The following JAKMIP3 variants were observed in gnomAD, a reference collection of about 807,000 sequenced individuals.
JAKMIP3 encodes the protein Janus kinase and microtubule interacting protein 3.
JAKMIP3 carries 58 observed loss-of-function variants against 118.5 expected under a neutral mutation model. The observed-to-expected ratio is 0.49, with a 90% CI of 0.40 to 0.61. JAKMIP3 has a LOEUF of 0.61. JAKMIP3 is among the 20% of genes least tolerant of loss of function. JAKMIP3 has a pLI of 0.00. For synonymous variants in JAKMIP3, 486 were observed against 451.2 expected, an observed-to-expected ratio of 1.08 and a Z score of -0.98; for missense variants, 950 against 1,109.0, an observed-to-expected ratio of 0.86 and a Z score of 2.04.
At chr10:132,163,675 A>T (rs554428996) in intron 20 of JAKMIP3, among the ~76,000 whole-genome samples, 8 of 152,072 alleles carry the variant, frequency 5.3e-5, no homozygotes, top group South Asian at 2.1e-4. Context: ...CCTGCTGGCC[A>T]CACCCTCTGA....
intron 4 of JAKMIP3, 88 bp downstream of exon 4, chr10:132,133,615 CAGGAGACCAG>C: frequency 8.0e-7 from 1 of 1,248,926 alleles, no homozygotes; most frequent in Non-Finnish European, 1.1e-6. Flanking sequence ...GCCACTCCCC[CAGGAGACCAG>C]AGCCCGAGTT....
chr10:132,100,501 C>T (rs2044682234), intron 1 of JAKMIP3, among the ~76,000 whole-genome samples: 1 of 152,144 alleles, frequency 6.6e-6, no homozygotes, highest in Non-Finnish European at 1.5e-5. Context: ...CCTCACACAC[C>T]CTTGAGACTG....
In JAKMIP3 at chr10:132,155,130, ATGG is replaced by A. The variant is rs1280054721; in HGVS notation, c.2220+1146_2220+1148del. 6.6e-3 allele frequency among the ~76,000 whole-genome samples: 954 copies of A among 145,360 alleles called. 10 individuals carry two copies. Among genetic ancestry groups the A allele is most frequent in the African/African-American group, 0.023 (901 of 39,100 alleles). Reference sequence around the variant, plus strand: ...GGCGATGATGGTCATGATGATGGTGATGGTGGTGATATGGTGGTGATGATCATG... The same window carrying A: ...GGCGATGATGGTCATGATGATGGTGATGGTGATATGGTGGTGATGATCATG... On this transcript the variant is annotated intron_variant, in intron 19 of 23. Coordinates refer to ENST00000684848, the MANE Select transcript of JAKMIP3 (RefSeq NM_001323087.2).
intron 1 of JAKMIP3, among the ~76,000 whole-genome samples, chr10:132,038,614 T>C (rs560151707): frequency 6.6e-6 from 1 of 152,056 alleles, no homozygotes; most frequent in Non-Finnish European, 1.5e-5. Flanking sequence ...TTGGCCAACA[T>C]AGTGAATCCC....
chr10:132,045,713 G>C (rs2037888911), intron 1 of JAKMIP3, among the ~76,000 whole-genome samples: 1 of 152,086 alleles, frequency 6.6e-6, no homozygotes, highest in Non-Finnish European at 1.5e-5. Context: ...AGCATCTCTT[G>C]AGCTCAGGAG....
rs2061640545 is a variant in JAKMIP3, at chr10:132,183,517, G to T, written c.*2264G>T. 6.6e-6 allele frequency: 1 copy of T among 151,040 alleles called. No homozygotes were observed. Among genetic ancestry groups the T allele is most frequent in the Non-Finnish European group, 1.5e-5 (1 of 67,582 alleles). 9.4% of individuals were successfully genotyped at this position (151,040 alleles called of 1,614,324 possible). Reference sequence around the variant, plus strand: ...ATCACAGTTCTGTAATAATAATAAGGCAAACTATACGGCAAAGAGAAGCAT... The same window carrying T: ...ATCACAGTTCTGTAATAATAATAAGTCAAACTATACGGCAAAGAGAAGCAT... On this transcript the variant is annotated 3_prime_UTR_variant, in exon 24 of 24. Transcript: ENST00000684848.
chr10:132,091,629 T>G (rs569662128), intron 1 of JAKMIP3, among the ~76,000 whole-genome samples: 1 of 152,220 alleles, frequency 6.6e-6, no homozygotes, highest in Non-Finnish European at 1.5e-5. Context: ...GCTTGGTAGA[T>G]CTTCCTCCAT....
At chr10:132,058,121 C>A (rs533406929) in intron 1 of JAKMIP3, among the ~76,000 whole-genome samples, 55 of 152,294 alleles carry the variant, frequency 3.6e-4, no homozygotes, top group African/African-American at 1.3e-3. Context: ...AGTCTCAGAT[C>A]CTGTGAGAGC....
intron 1 of JAKMIP3, among the ~76,000 whole-genome samples, chr10:132,094,131 T>C (rs886829307): frequency 5.3e-5 from 8 of 152,184 alleles, no homozygotes; most frequent in African/African-American, 1.7e-4. Context: ...AGGTTCACCA[T>C]GTTGCCCAGG....
rs546696831 is a variant in JAKMIP3, at chr10:132,100,613, C to T, written c.-137-4059C>T. Among the ~76,000 whole-genome samples, 10 of 152,264 alleles carry T rather than the reference C, an allele frequency of 6.6e-5. No individual in the cohort carries two copies. In the East Asian group the frequency reaches 1.9e-3, roughly 29 times the overall value. On this transcript the variant is annotated intron_variant, in intron 1 of 23. Transcript: ENST00000684848. Reference sequence around the variant, plus strand: ...CCAGGGCCGGAGCGCAGGCCACGCCCCCCCAGCAGCTATGAGCTCCGTCAC... The same window carrying T: ...CCAGGGCCGGAGCGCAGGCCACGCCTCCCCAGCAGCTATGAGCTCCGTCAC...
intron 23 of JAKMIP3, among the ~76,000 whole-genome samples, chr10:132,180,648 TGTGCGTGTGCGTGTGTGC>T (rs2060956916): frequency 4.0e-5 from 1 of 25,128 alleles, no homozygotes. Context: ...CGTGTGTGCG[TGTGCGTGTGCGTGTGTGC>T]GTGTGTGTGC....
In JAKMIP3 at chr10:132,049,503, T is replaced by C. The variant is rs1306869833; in HGVS notation, c.-138+12765T>C. 1.3e-5 allele frequency among the ~76,000 whole-genome samples: 2 copies of C among 151,914 alleles called. No individual in the cohort carries two copies. The highest frequency in any genetic ancestry group is 2.9e-5 in the Non-Finnish European group (2 of 67,936). On this transcript the variant is annotated intron_variant, in intron 1 of 23. Transcript: ENST00000657785. The surrounding 1 kb of genome is among the most constrained non-coding windows in gnomAD (Gnocchi z 4.3). ...CTCATTTTTGAGATGCTTTTTTTTT[T>C]CCTGAGTTCAATACATTCTTTTTTC... is the stretch of plus-strand genomic sequence containing the variant.
intron 1 of JAKMIP3, among the ~76,000 whole-genome samples, chr10:132,042,227 T>C: frequency 1.6e-5 from 1 of 61,294 alleles, no homozygotes; most frequent in Admixed American, 1.4e-4. Flanking sequence ...TCTTTCCTCC[T>C]CCTCCTTTCA....
At chr10:132,142,100 G>A in intron 11 of JAKMIP3, 52 bp downstream of exon 11, 1 of 1,539,326 alleles carries the variant, frequency 6.5e-7, no homozygotes, top group Non-Finnish European at 8.7e-7. Flanking sequence ...CTTCCCGCTT[G>A]ACCCCGTGGC....
At chr10:132,086,577 T>C (rs1469152050) in intron 1 of JAKMIP3, among the ~76,000 whole-genome samples, 1 of 152,202 alleles carries the variant, frequency 6.6e-6, no homozygotes, top group Non-Finnish European at 1.5e-5. Flanking sequence ...TTGTGATATT[T>C]TCCTGTTGGA....
intron 19 of JAKMIP3, among the ~76,000 whole-genome samples, chr10:132,161,841 G>GGAGGGGAATGACTGGTTCCTCCT (rs2058377745): frequency 8.9e-6 from 1 of 112,650 alleles, no homozygotes; most frequent in Non-Finnish European, 1.9e-5. Context: ...GGTGAAGCTA[G>GGAGGGGAATGACTGGTTCCTCCT]GGGGTCTTTT....
chr10:132,145,349 G>A (rs995830158), intron 12 of JAKMIP3, among the ~76,000 whole-genome samples, 159 bp downstream of exon 12: 2 of 152,244 alleles, frequency 1.3e-5, no homozygotes, highest in African/African-American at 4.8e-5. Flanking sequence ...GAGTAGCTGG[G>A]ACCACAGGCA....
intron 23 of JAKMIP3, among the ~76,000 whole-genome samples, chr10:132,180,734 T>C (rs1288610936): frequency 0.019 from 241 of 12,638 alleles, 77 homozygotes; most frequent in African/African-American, 0.077. Context: ...TGTGTGCGTG[T>C]GTGCGTGCGT....
intron 2 of JAKMIP3, among the ~76,000 whole-genome samples, chr10:132,108,731 AGT>A (rs1172710176): frequency 1.3e-5 from 2 of 151,976 alleles, no homozygotes; most frequent in Non-Finnish European, 2.9e-5. Context: ...TGCCAGGTGC[AGT>A]GGTTCATACC....
Sources: allele counts gnomAD v4.1 joint callset (sites outside exome capture counted in the v4.1 genomes callset), GRCh38; gene constraint gnomAD v4.1.1; non-coding constraint Gnocchi (gnomAD v3.1); transcripts MANE v1.5; gene names NCBI Gene and HGNC (gene_info 2026-07-23, HGNC 2026-07-21).